Variants in KIF1B observed in about 807,000 individuals in gnomAD.
The protein encoded by KIF1B is kinesin-like protein KIF1B.
KIF1B carries 76 observed loss-of-function variants against 241.9 expected under a neutral mutation model. That is an observed-to-expected ratio of 0.31 (90% confidence interval 0.26 to 0.38). The LOEUF (loss-of-function observed/expected upper bound fraction) is 0.38. Among genes scored for constraint, KIF1B ranks in the 10% least tolerant of loss-of-function variants. The pLI, the probability that KIF1B is intolerant of heterozygous loss-of-function variation, is 1.00. For missense variants in KIF1B, 1,622 were observed against 2,271.4 expected (o/e 0.71, Z 5.81); for synonymous variants, 750 against 796.7 (o/e 0.94, Z 0.99).
In KIF1B at chr1:10,337,046, C is replaced by G; in HGVS notation, c.3130-28C>G. 1 of 1,613,888 alleles carries G rather than the reference C, an allele frequency of 6.2e-7. No individual in the cohort carries two copies. Among genetic ancestry groups the G allele is most frequent in the Non-Finnish European group, 8.5e-7 (1 of 1,179,974 alleles). On this transcript the variant is annotated intron_variant, in intron 29 of 48. Transcript: ENST00000676179. The surrounding 1 kb of genome is among the most constrained non-coding windows in gnomAD (Gnocchi z 4.0). ...AAAATACGTTTTTATACTACTTTAC[C>G]ATGTATCTGCCCCTGCCTTTTTTTC...
At chr1:10,307,036 T>G (rs1457651350) in intron 22 of KIF1B, 15 of 1,039,450 alleles carry the variant, frequency 1.4e-5, no homozygotes, top group Non-Finnish European at 1.7e-5. Context: ...GAATTGGGTT[T>G]ATATTTGTGC....
At chr1:10,280,538 G>T (rs1649359656) in intron 14 of KIF1B, among the ~76,000 whole-genome samples, 1 of 152,032 alleles carries the variant, frequency 6.6e-6, no homozygotes, top group Non-Finnish European at 1.5e-5. Flanking sequence ...CCAGCCACCT[G>T]AGTTGCTTAT....
Position 10,374,183 on chromosome 1 carries a change from C to T in KIF1B, c.4947-133C>T, listed in dbSNP as rs1638822589. 1.1e-6 allele frequency: 1 copy of T among 909,692 alleles called. No homozygotes were observed. Among genetic ancestry groups the T allele is most frequent in the East Asian group, 2.4e-5 (1 of 41,700 alleles). 56.4% of individuals were successfully genotyped at this position (909,692 alleles called of 1,614,324 possible). A position where few individuals can be genotyped will look rare whatever the true frequency, so the allele number is the denominator to read the frequency against. On this transcript the variant is annotated intron_variant, in intron 45 of 48. Coordinates refer to ENST00000676179, the MANE Select transcript of KIF1B (RefSeq NM_001365951.3). This position sits in a 1 kb window ranked among gnomAD's most constrained non-coding sequence, Gnocchi z 4.3. ...GCCAGCTTGTCTCCTCAGCTGAGCT[C>T]TCTGCAACTCAAGTTTGCAGCTGGG...
chr1:10,365,043 C>T lies in KIF1B; in HGVS notation c.4367-57C>T, dbSNP rs1638528406. 1 of 1,477,716 alleles carries T rather than the reference C, an allele frequency of 6.8e-7. No homozygotes were observed. The highest frequency in any genetic ancestry group is 1.2e-5 in the South Asian group (1 of 85,326). The allele number at this position is 1,477,716 out of a possible 1,614,324, so 91.5% of individuals were successfully genotyped here. A position where few individuals can be genotyped will look rare whatever the true frequency, so the allele number is the denominator to read the frequency against. On this transcript the variant is annotated intron_variant, in intron 41 of 48. Coordinates refer to ENST00000676179, the MANE Select transcript of KIF1B (RefSeq NM_001365951.3). The surrounding 1 kb of genome is among the most constrained non-coding windows in gnomAD (Gnocchi z 4.0). ...AAAAGAATTATTAATTCGTTTTGAC[C>T]TAAACTTGGAATTGAATTTTTTTTC...
chr1:10,290,571 T>C (rs1649944425), intron 15 of KIF1B, among the ~76,000 whole-genome samples: 1 of 151,764 alleles, frequency 6.6e-6, no homozygotes, highest in Non-Finnish European at 1.5e-5. Context: ...AAGCTCTGCC[T>C]CCCGGGTTCA....
intron 2 of KIF1B, among the ~76,000 whole-genome samples, chr1:10,250,974 C>G (rs568725095): frequency 6.6e-6 from 1 of 152,252 alleles, no homozygotes; most frequent in South Asian, 2.1e-4. Flanking sequence ...CAAGGCCAGC[C>G]TGGCCAACAT....
At chr1:10,241,426 A>G (rs1647135629) in intron 2 of KIF1B, among the ~76,000 whole-genome samples, 1 of 152,156 alleles carries the variant, frequency 6.6e-6, no homozygotes, top group African/African-American at 2.4e-5. Flanking sequence ...TAGTGTCTAA[A>G]TTTTCAGTGG....
intron 1 of KIF1B, among the ~76,000 whole-genome samples, chr1:10,218,526 T>A (rs1571083969): frequency 1.3e-5 from 2 of 152,058 alleles, no homozygotes; most frequent in Non-Finnish European, 2.9e-5. Context: ...GTTCAAGTGA[T>A]TCTCCTGCCT....
Position 10,365,638 on chromosome 1 carries a change from T to G in KIF1B, c.4742T>G (p.Leu1581Arg). Residue 1581 changes from leucine to arginine, a missense_variant, in exon 43 of 49, where the codon CTG becomes CGG. This residue lies in a region of KIF1B where 357 missense variants were observed against 409.0 expected (regional missense o/e 0.87). Transcript: ENST00000676179. The surrounding 1 kb of genome is among the most constrained non-coding windows in gnomAD (Gnocchi z 4.0). ...IESLVDREKE[L>R]ATKCLQLLTH... ...AGCCTGGTGGACCGAGAGAAAGAGC[T>G]GGCTACCAAGGTGTGAATCCCTTCC... 1.2e-6 allele frequency: 2 copies of G among 1,614,176 alleles called. No individual in the cohort carries two copies. The highest frequency in any genetic ancestry group is 1.7e-6 in the Non-Finnish European group (2 of 1,180,040).
intron 4 of KIF1B, among the ~76,000 whole-genome samples, chr1:10,260,698 C>A (rs143895259): frequency 0.031 from 4,707 of 151,890 alleles, 238 homozygotes; most frequent in African/African-American, 0.11. Context: ...AACCCCGTGT[C>A]TACTAAAAAT....
rs371863923 is a variant in KIF1B at position 10,360,933 on chromosome 1, T to G, written c.4060T>G (p.Phe1354Val). 6.2e-7 allele frequency: 1 copy of G among 1,611,368 alleles called. No individual in the cohort carries two copies. Among genetic ancestry groups the G allele is most frequent in the Non-Finnish European group, 8.5e-7 (1 of 1,177,456 alleles). Residue 1354 changes from phenylalanine (F) to valine (V), a missense_variant, in exon 39 of 49, where the codon TTC becomes GTC. Physicochemically the swap from Phe to Val is conservative, Grantham distance 50. Around this residue, in one of 7 missense-constraint regions of KIF1B, gnomAD observed 803 missense variants for 1,112.0 expected, o/e 0.72. Coordinates refer to ENST00000676179, the MANE Select transcript of KIF1B (RefSeq NM_001365951.3). ...CTCTTGTCTTTCTGACCTTAGGACC[T>G]TCTACCGCTTTGAGGCTGTGTGGGA... ...LKSSHNSSRT[F>V]YRFEAVWDSS...
intron 15 of KIF1B, among the ~76,000 whole-genome samples, chr1:10,287,466 A>G (rs1297801070): frequency 6.6e-6 from 1 of 152,174 alleles, no homozygotes; most frequent in Admixed American, 6.5e-5. Context: ...GTTCCAGAAT[A>G]AACGATTTTG....
intron 12 of KIF1B, among the ~76,000 whole-genome samples, chr1:10,276,734 T>C (rs1649129913): frequency 6.6e-6 from 1 of 152,018 alleles, no homozygotes; most frequent in Non-Finnish European, 1.5e-5. Flanking sequence ...CATTTTCTTA[T>C]TCATTTCTAT....
intron 1 of KIF1B, among the ~76,000 whole-genome samples, chr1:10,222,390 A>G (rs994338688): frequency 6.6e-6 from 1 of 152,138 alleles, no homozygotes; most frequent in African/African-American, 2.4e-5. Flanking sequence ...TGGATTGTGG[A>G]GGCCCTTGAA....
intron 9 of KIF1B, 130 bp from the exon 10 acceptor site, chr1:10,272,884 G>C: frequency 4.3e-6 from 3 of 703,050 alleles, no homozygotes; most frequent in Non-Finnish European, 7.2e-6. Context: ...TTGCTAAGAA[G>C]AATGAAATGC....
rs1196869439 is a variant in KIF1B, at chr1:10,365,746, GA to G, written c.4752+100del. ...TTCAACACCTTTGTTCGAGGTGTTT[GA>G]AGGCCTGTGATAATACTGTGAATGT... is the stretch of plus-strand genomic sequence containing the variant. On this transcript the variant is annotated intron_variant, in intron 43 of 48. Transcript: ENST00000676179. This position sits in a 1 kb window ranked among gnomAD's most constrained non-coding sequence, Gnocchi z 4.0. The G allele has an allele frequency of 3.1e-5, 46 of 1,495,914 alleles. No homozygotes were observed. In the Admixed American group the frequency reaches 7.6e-4, roughly 25 times the overall value. 92.7% of individuals were successfully genotyped at this position (1,495,914 alleles called of 1,614,324 possible).
At chr1:10,313,240 G>A (rs1651144440) in intron 22 of KIF1B, among the ~76,000 whole-genome samples, 1 of 150,754 alleles carries the variant, frequency 6.6e-6, no homozygotes, top group Non-Finnish European at 1.5e-5. Context: ...TTATTTTTTT[G>A]TATTTTTAGT....
Position 10,295,685 on chromosome 1 carries a change from C to A in KIF1B, c.1696C>A (p.Arg566Ser), listed in dbSNP as rs985819179. The change falls in exon 19 of 49, where the codon CGC becomes AGC. Residue 566 changes from arginine to serine, a missense_variant. By Grantham distance (110) the Arg-to-Ser change is moderately radical. Coordinates refer to ENST00000676179, the MANE Select transcript of KIF1B (RefSeq NM_001365951.3). ...GGTTGGCCAAGCAGATGCTGAGCGG[C>A]GCCAGGACATAGTGCTGAGCGGGGC... ...TRVGQADAER[R>S]QDIVLSGAHI... 1 of 1,613,692 alleles carries A rather than the reference C, an allele frequency of 6.2e-7. No homozygotes were observed. The highest frequency in any genetic ancestry group is 1.7e-5 in the Admixed American group (1 of 60,022).
At chr1:10,338,268 C>T (rs917066601) in intron 31 of KIF1B, among the ~76,000 whole-genome samples, 14 of 152,146 alleles carry the variant, frequency 9.2e-5, no homozygotes, top group Non-Finnish European at 1.9e-4. Context: ...CCATCCCTCT[C>T]CCCTCAGAAT....
Sources: allele counts gnomAD v4.1 joint callset (sites outside exome capture counted in the v4.1 genomes callset), GRCh38; gene constraint gnomAD v4.1.1; regional missense constraint gnomAD v4.1.1; non-coding constraint Gnocchi (gnomAD v3.1); transcripts MANE v1.5; gene names NCBI Gene and HGNC (gene_info 2026-07-23, HGNC 2026-07-21).